PXYLP1: variants seen among roughly 807,000 people sequenced by gnomAD.
The protein encoded by PXYLP1 is acid phosphatase-like 2.
Under a neutral mutation model 37.9 loss-of-function variants are expected in PXYLP1, and 17 were observed. The ratio of observed to expected loss-of-function variants is 0.45; its 90% confidence interval spans 0.31 to 0.67. The LOEUF is 0.67. Ranked by LOEUF, PXYLP1 falls within the 30% of genes least tolerant of loss-of-function variation. PXYLP1 has a pLI of 0.07. For missense variants in PXYLP1, 511 were observed against 612.0 expected (o/e 0.84, Z 1.74); for synonymous variants, 221 against 232.2 (o/e 0.95, Z 0.44).
Position 141,278,412 on chromosome 3 carries a change from C to A in PXYLP1, c.150C>A (p.Asp50Glu). The change falls in exon 3 of 6, where the codon GAC becomes GAA. Residue 50 changes from aspartate (D) to glutamate (E), a missense_variant. By Grantham distance (45) the Asp-to-Glu change is conservative (BLOSUM62 2). Transcript: ENST00000286353. Reference protein sequence around the residue: ...SSKSRKRIMPDPVTEPPVTDP... With the variant: ...SSKSRKRIMPEPVTEPPVTDP... Reference sequence around the variant, plus strand: ...AGAGTCGAAAGAGAATCATGCCCGACCCTGTGACGGAGCCCCCTGTGACAG... The same window carrying A: ...AGAGTCGAAAGAGAATCATGCCCGAACCTGTGACGGAGCCCCCTGTGACAG... 2 of 1,614,198 alleles carry A rather than the reference C, an allele frequency of 1.2e-6. No individual in the cohort carries two copies. The highest frequency in any genetic ancestry group is 2.2e-5 in the South Asian group (2 of 91,080).
chr3:141,247,728 T>C (rs942430561), intron 1 of PXYLP1, among the ~76,000 whole-genome samples: 1 of 152,186 alleles, frequency 6.6e-6, no homozygotes, highest in Admixed American at 6.5e-5. Flanking sequence ...AATAATACAG[T>C]ATAGCTTTTT....
At chr3:141,254,173 A>G (rs1441721658) in intron 1 of PXYLP1, among the ~76,000 whole-genome samples, 6 of 152,160 alleles carry the variant, frequency 3.9e-5, no homozygotes, top group Non-Finnish European at 8.8e-5. Flanking sequence ...ACGGCCTCCC[A>G]AAGTACTGGG....
chr3:141,249,234 G>C (rs936926142), intron 1 of PXYLP1, among the ~76,000 whole-genome samples: 2 of 152,214 alleles, frequency 1.3e-5, no homozygotes, highest in African/African-American at 4.8e-5. Flanking sequence ...TCACCTGCCA[G>C]TGAGAACAGG....
At chr3:141,282,656 T>C (rs572946787) in intron 4 of PXYLP1, among the ~76,000 whole-genome samples, 1 of 152,328 alleles carries the variant, frequency 6.6e-6, no homozygotes, top group South Asian at 2.1e-4. Flanking sequence ...GGGGTGTGAT[T>C]AAATGTTTGT....
chr3:141,242,911 T>A (rs1301162772), intron 1 of PXYLP1, among the ~76,000 whole-genome samples: 1 of 152,208 alleles, frequency 6.6e-6, no homozygotes. Flanking sequence ...ATCCCCAGCT[T>A]CTATAACTAT....
At chr3:141,277,846 G>T (rs1389092802) in intron 2 of PXYLP1, among the ~76,000 whole-genome samples, 3 of 152,154 alleles carry the variant, frequency 2.0e-5, no homozygotes, top group African/African-American at 7.2e-5. Context: ...TTGGTCCTTG[G>T]CTTTCTTCTG....
rs1003488674 is a variant in PXYLP1, at chr3:141,273,879, C to T, written c.80-4463C>T. 6.1e-6 allele frequency: 6 copies of T among 985,160 alleles called. No individual in the cohort carries two copies. In the East Asian group the frequency reaches 3.4e-4, roughly 56 times the overall value. The allele number at this position is 985,160 out of a possible 1,614,324, so 61.0% of individuals were successfully genotyped here. On this transcript the variant is annotated intron_variant, in intron 2 of 5. Transcript: ENST00000286353. The stretch of plus-strand genomic sequence containing the variant: ...AAAAGATATCTCGTATCCTGTTATT[C>T]GTGTTGGTCCTGGTGGCACAGTGGC...
rs1162565124 is a variant in PXYLP1 at position 141,294,895 on chromosome 3, A to T, written c.*1690A>T. ...CACAGCTTGAAGACTTAAAAATAAA[A>T]GTGACTCGGAAGATTTTTTAAAAAA... On this transcript the variant is annotated 3_prime_UTR_variant, in exon 6 of 6. Coordinates refer to ENST00000286353, the MANE Select transcript of PXYLP1 (RefSeq NM_001037172.3). 3 of 152,294 alleles carry T rather than the reference A, an allele frequency of 2.0e-5. No individual in the cohort carries two copies. In the East Asian group the frequency reaches 5.8e-4, roughly 29 times the overall value. The allele number at this position is 152,294 out of a possible 1,614,324, so 9.4% of individuals were successfully genotyped here. A position where few individuals can be genotyped will look rare whatever the true frequency, so the allele number is the denominator to read the frequency against.
chr3:141,247,417 T>TA (rs1940985933), intron 1 of PXYLP1, among the ~76,000 whole-genome samples: 1 of 152,246 alleles, frequency 6.6e-6, no homozygotes, highest in South Asian at 2.1e-4. Context: ...ATTTGTCTTA[T>TA]AAAACAAGGC....
At chr3:141,240,775 G>A (rs375501296) in intron 1 of PXYLP1, among the ~76,000 whole-genome samples, 19 of 152,140 alleles carry the variant, frequency 1.2e-4, no homozygotes, top group African/African-American at 3.4e-4. Flanking sequence ...GCCAAAAGTC[G>A]TCTTCATCCC....
intron 1 of PXYLP1, among the ~76,000 whole-genome samples, chr3:141,252,390 G>A (rs750555584): frequency 1.5e-4 from 23 of 152,150 alleles, no homozygotes; most frequent in African/African-American, 5.6e-4. Flanking sequence ...GAAGCGTAGT[G>A]CCAACATCTG....
At chr3:141,260,318 C>A in intron 2 of PXYLP1, 64 bp downstream of exon 2, 1 of 1,551,738 alleles carries the variant, frequency 6.4e-7, no homozygotes. Flanking sequence ...CAAGGAGGCC[C>A]CAAAGGCTTG....
chr3:141,279,562 G>A (rs1425818129), intron 4 of PXYLP1, 58 bp downstream of exon 4: 26 of 1,599,830 alleles, frequency 1.6e-5, no homozygotes, highest in Non-Finnish European at 2.1e-5. Flanking sequence ...CTGTAGGATA[G>A]AGAATGACAG....
intron 1 of PXYLP1, among the ~76,000 whole-genome samples, chr3:141,238,176 A>G (rs900423424): frequency 6.6e-6 from 1 of 152,234 alleles, no homozygotes; most frequent in Admixed American, 6.5e-5. Context: ...GCAGGAAGCC[A>G]GAACACTGCA....
intron 5 of PXYLP1, chr3:141,291,862 T>A (rs1942218730): frequency 5.7e-6 from 1 of 175,968 alleles, no homozygotes; most frequent in Non-Finnish European, 1.2e-5. Flanking sequence ...CACTGAGCAC[T>A]CGCTGCACAC....
chr3:141,238,410 T>A (rs1303021946), intron 1 of PXYLP1, among the ~76,000 whole-genome samples: 1 of 152,126 alleles, frequency 6.6e-6, no homozygotes, highest in Non-Finnish European at 1.5e-5. Context: ...GACCAGAAAA[T>A]CCTTCTGTGA....
At chr3:141,268,200 AGAGAGAGTGT>A (rs1317645979) in intron 2 of PXYLP1, among the ~76,000 whole-genome samples, 714 of 32,696 alleles carry the variant, frequency 0.022, 3 homozygotes, top group African/African-American at 0.048. Flanking sequence ...AGAGAGAGAG[AGAGAGAGTGT>A]GTGTGTGTGT....
In PXYLP1 at chr3:141,248,032, T is replaced by TTG. The variant is rs1553751235; in HGVS notation, c.-53-12090_-53-12089insGT. Among the ~76,000 whole-genome samples the TTG allele has an allele frequency of 6.0e-5, 9 of 149,226 alleles. 1 individual carries two copies. The highest frequency in any genetic ancestry group is 1.2e-4 in the Non-Finnish European group (8 of 67,268). ...TAAGAGTTTTTGTTTTGTTTTTTTT[T>TTG]TTTTTTTTGAGATGGAGTCCCACTC... On this transcript the variant is annotated intron_variant, in intron 1 of 5. Coordinates refer to ENST00000286353, the MANE Select transcript of PXYLP1 (RefSeq NM_001037172.3).
chr3:141,237,975 A>G (rs1357311599), intron 1 of PXYLP1, among the ~76,000 whole-genome samples: 3 of 152,318 alleles, frequency 2.0e-5, no homozygotes, highest in South Asian at 2.1e-4. Context: ...AAGAGATCCT[A>G]GATCTGTTTA....
Sources: allele counts gnomAD v4.1 joint callset (sites outside exome capture counted in the v4.1 genomes callset), GRCh38; gene constraint gnomAD v4.1.1; transcripts MANE v1.5; gene names NCBI Gene and HGNC (gene_info 2026-07-23, HGNC 2026-07-21).